The following TSHR variants were observed in gnomAD, a reference collection of about 807,000 sequenced individuals.
TSHR encodes thyrotropin receptor.
In TSHR, 51 loss-of-function variants were observed where a neutral mutation model predicts 64.1. The observed-to-expected ratio is 0.80, with a 90% confidence interval of 0.64 to 1.01. TSHR has a LOEUF of 1.01. Ranked by LOEUF, TSHR falls within the 50% of genes least tolerant of loss-of-function variation. The probability of loss-of-function intolerance (pLI) is 0.00; values close to 1 mark genes in which losing one functional copy is unlikely to be tolerated. For missense variants in TSHR, 877 were observed against 942.8 expected, an observed-to-expected ratio of 0.93 and a Z score of 0.91; for synonymous variants, 361 against 361.9, an observed-to-expected ratio of 1.00 and a Z score of 0.03.
chr14:80,974,139 T>C (rs1415346632), intron 1 of TSHR, among the ~76,000 whole-genome samples: 1 of 152,148 alleles, frequency 6.6e-6, no homozygotes, highest in Non-Finnish European at 1.5e-5. Context: ...CGGTGGTAGG[T>C]CTGAGAGCCT....
chr14:81,135,266 G>A (rs1350749939), intron 8 of TSHR, among the ~76,000 whole-genome samples: 1 of 152,198 alleles, frequency 6.6e-6, no homozygotes, highest in African/African-American at 2.4e-5. Flanking sequence ...TCCCACTGGG[G>A]AGAGGGGAAA....
intron 1 of TSHR, among the ~76,000 whole-genome samples, chr14:80,989,609 C>A (rs1473227024): frequency 6.6e-6 from 1 of 152,136 alleles, no homozygotes; most frequent in Non-Finnish European, 1.5e-5. Flanking sequence ...TCCTACAAAT[C>A]CTTCAAGTCT....
intron 8 of TSHR, among the ~76,000 whole-genome samples, chr14:81,135,790 G>A (rs115045197): frequency 1.3e-5 from 2 of 152,184 alleles, no homozygotes; most frequent in African/African-American, 4.8e-5. Context: ...TAGATCCATA[G>A]AGAAGTACAG....
At chr14:81,061,303 A>C (rs1011740599) in intron 1 of TSHR, among the ~76,000 whole-genome samples, 6 of 152,154 alleles carry the variant, frequency 3.9e-5, no homozygotes, top group Non-Finnish European at 8.8e-5. Context: ...TAAATTCAGT[A>C]GTCTTAACAT....
At chr14:81,021,613 A>G (rs188870799) in intron 1 of TSHR, among the ~76,000 whole-genome samples, 77 of 152,346 alleles carry the variant, frequency 5.1e-4, no homozygotes, top group African/African-American at 1.7e-3. Flanking sequence ...TTAGATACTG[A>G]GACCCTGATT....
intron 1 of TSHR, among the ~76,000 whole-genome samples, chr14:81,002,333 TG>T (rs1297277160): frequency 6.6e-6 from 1 of 152,178 alleles, no homozygotes; most frequent in East Asian, 1.9e-4. Flanking sequence ...TAACCCAAGC[TG>T]AATTCAAATC....
chr14:80,976,285 G>C (rs992122430), intron 1 of TSHR, among the ~76,000 whole-genome samples: 6 of 152,142 alleles, frequency 3.9e-5, no homozygotes, highest in Non-Finnish European at 8.8e-5. Context: ...CATACCTTTG[G>C]GGAACAGGTT....
At chr14:80,975,582 AT>A (rs1390094821) in intron 1 of TSHR, among the ~76,000 whole-genome samples, 1 of 151,932 alleles carries the variant, frequency 6.6e-6, no homozygotes, top group South Asian at 2.1e-4. Context: ...TGCTCTTCTG[AT>A]TTTTTTACTC....
chr14:81,097,870 C>T (rs1430008226), intron 7 of TSHR, among the ~76,000 whole-genome samples: 1 of 152,034 alleles, frequency 6.6e-6, no homozygotes, highest in East Asian at 1.9e-4. Context: ...ACCATTCTCT[C>T]GATTGTCTGG....
At chr14:81,124,859 C>T (rs754640077) in intron 8 of TSHR, among the ~76,000 whole-genome samples, 1 of 151,918 alleles carries the variant, frequency 6.6e-6, no homozygotes, top group African/African-American at 2.4e-5. Context: ...AATTTTTTGC[C>T]CATTTTCATT....
chr14:80,975,915 A>AT (rs33975260), intron 1 of TSHR, among the ~76,000 whole-genome samples: 79,614 of 142,750 alleles, frequency 0.56, 23,270 homozygotes, highest in Non-Finnish European at 0.66. Context: ...CAGCAAATGC[A>AT]TTTTTTTTTT....
intron 1 of TSHR, among the ~76,000 whole-genome samples, chr14:80,963,645 C>A (rs1425025204): frequency 1.3e-5 from 2 of 152,198 alleles, no homozygotes; most frequent in African/African-American, 2.4e-5. Flanking sequence ...GTCTGTGGGG[C>A]AGATCTTAGC....
chr14:80,986,878 T>C (rs1406024430), intron 1 of TSHR, among the ~76,000 whole-genome samples: 1 of 152,270 alleles, frequency 6.6e-6, no homozygotes, highest in Non-Finnish European at 1.5e-5. Context: ...TGGTAAAGCA[T>C]GTCCTTCTGA....
At chr14:81,101,304 C>T (rs911184813) in intron 7 of TSHR, among the ~76,000 whole-genome samples, 3 of 152,070 alleles carry the variant, frequency 2.0e-5, no homozygotes, top group Non-Finnish European at 4.4e-5. Flanking sequence ...ATCAGATGGC[C>T]TTCTGAAATT....
chr14:81,050,511 T>G (rs572636090), intron 1 of TSHR: 2 of 151,364 alleles, frequency 1.3e-5, no homozygotes, highest in East Asian at 3.9e-4. Context: ...TCATCATCAA[T>G]AAATTGGCAA....
chr14:81,115,375 T>C (rs1255480974), intron 8 of TSHR, among the ~76,000 whole-genome samples: 2 of 144,890 alleles, frequency 1.4e-5, no homozygotes, highest in Non-Finnish European at 3.0e-5. Context: ...GAGAACTACA[T>C]GAAGAATGCA....
rs1263753763 is a variant in TSHR, at chr14:81,020,888, T to TA, written c.171-41260_171-41259insA. ...GAAAAGCCTGCTTCCATTTCCAACATCCTATCTTTGTGAAGCAGGGTTTTC... is the reference window on the plus strand; with the variant it reads ...GAAAAGCCTGCTTCCATTTCCAACATACCTATCTTTGTGAAGCAGGGTTTTC... On this transcript the variant is annotated intron_variant, in intron 1 of 9. Coordinates refer to ENST00000298171, the MANE Select transcript of TSHR (RefSeq NM_000369.5). Among the ~76,000 whole-genome samples, 10 of 152,124 alleles carry TA rather than the reference T, an allele frequency of 6.6e-5. No individual in the cohort carries two copies. In the South Asian group the frequency reaches 1.0e-3, roughly 16 times the overall value.
chr14:81,047,314 G>A (rs1055625955), intron 1 of TSHR, among the ~76,000 whole-genome samples: 1 of 151,752 alleles, frequency 6.6e-6, no homozygotes. Flanking sequence ...CACAAACAAC[G>A]GACACCAATA....
chr14:81,023,819 C>T (rs1883900535), intron 1 of TSHR, among the ~76,000 whole-genome samples: 1 of 152,158 alleles, frequency 6.6e-6, no homozygotes, highest in East Asian at 1.9e-4. Flanking sequence ...TTGCACAAAA[C>T]AGTAGAGGTA....
Sources: allele counts gnomAD v4.1 joint callset (sites outside exome capture counted in the v4.1 genomes callset), GRCh38; gene constraint gnomAD v4.1.1; transcripts MANE v1.5; gene names NCBI Gene and HGNC (gene_info 2026-07-23, HGNC 2026-07-21).